FARSB: variants seen among roughly 807,000 people sequenced by gnomAD.
FARSB encodes phenylalanine--tRNA ligase beta subunit.
FARSB carries 40 observed loss-of-function variants against 69.6 expected under a neutral mutation model. That is an observed-to-expected ratio of 0.57 (90% CI 0.45 to 0.75). The LOEUF (loss-of-function observed/expected upper bound fraction) is 0.75. Among genes scored for constraint, FARSB ranks in the 30% least tolerant of loss-of-function variants. The pLI is 0.00. For missense variants in FARSB, 632 were observed against 722.9 expected (o/e 0.87, Z 1.44); for synonymous variants, 235 against 247.2 (o/e 0.95, Z 0.46).
chr2:222,607,133 T>C (rs1025588238), intron 15 of FARSB, among the ~76,000 whole-genome samples: 3 of 152,190 alleles, frequency 2.0e-5, no homozygotes, highest in Admixed American at 2.0e-4. Context: ...GCAACAAGAA[T>C]CTTGTGAAGA....
At chr2:222,654,222 C>G (rs1692113598) in intron 1 of FARSB, among the ~76,000 whole-genome samples, 1 of 152,106 alleles carries the variant, frequency 6.6e-6, no homozygotes, top group Non-Finnish European at 1.5e-5. Context: ...CTGACATGCT[C>G]CAAAACCCAA....
At chr2:222,636,987 A>C (rs1261106105) in intron 5 of FARSB, among the ~76,000 whole-genome samples, 1 of 152,256 alleles carries the variant, frequency 6.6e-6, no homozygotes, top group Non-Finnish European at 1.5e-5. Context: ...AAAAATGTTC[A>C]AGAATTATGG....
intron 9 of FARSB, among the ~76,000 whole-genome samples, chr2:222,629,618 C>T (rs1691366252): frequency 6.6e-6 from 1 of 152,200 alleles, no homozygotes; most frequent in Non-Finnish European, 1.5e-5. Flanking sequence ...CGGAATATCA[C>T]CAAAACTTTT....
chr2:222,607,270 C>G (rs1281140303), intron 15 of FARSB, among the ~76,000 whole-genome samples: 1 of 152,150 alleles, frequency 6.6e-6, no homozygotes, highest in African/African-American at 2.4e-5. Flanking sequence ...TAGATGTTTA[C>G]ACCTATGGAA....
chr2:222,612,933 A>G (rs1690895812), intron 15 of FARSB, among the ~76,000 whole-genome samples: 1 of 152,212 alleles, frequency 6.6e-6, no homozygotes, highest in Admixed American at 6.5e-5. Flanking sequence ...AAGTAACAAA[A>G]ACTGGTAAAA....
intron 14 of FARSB, among the ~76,000 whole-genome samples, 188 bp downstream of exon 14, chr2:222,619,457 A>T (rs1278565145): frequency 1.3e-5 from 2 of 152,230 alleles, no homozygotes; most frequent in Non-Finnish European, 2.9e-5. Context: ...AGAAGATATT[A>T]TTTTTAAAAG....
At chr2:222,648,074 C>T (rs998172464) in intron 2 of FARSB, among the ~76,000 whole-genome samples, 7 of 152,080 alleles carry the variant, frequency 4.6e-5, no homozygotes, top group African/African-American at 1.4e-4. Context: ...TGCTCAGGAC[C>T]CATCAAGCCC....
intron 15 of FARSB, among the ~76,000 whole-genome samples, chr2:222,610,662 C>G (rs1690825681): frequency 6.6e-6 from 1 of 152,160 alleles, no homozygotes. Flanking sequence ...TCCCATAAAC[C>G]AGGATGCTAA....
intron 4 of FARSB, 47 bp downstream of exon 4, chr2:222,640,815 T>C (rs753374265): frequency 9.7e-7 from 1 of 1,030,952 alleles, no homozygotes; most frequent in Admixed American, 2.2e-5. Context: ...TACAGACATG[T>C]ACAAAAGAAA....
In FARSB at chr2:222,623,660, G is replaced by A. The variant is rs1291632319; in HGVS notation, c.1241C>T (p.Thr414Ile). ...MAAAGFTEAL[T>I]FALCSQEDIA... ...GCATGTAAGACATACCAGGGCAAAG[G>A]TAAGTGCTTCAGTGAAGCCAGCGGC... Residue 414 changes from threonine (T) to isoleucine (I), a missense_variant, in exon 13 of 17, where the codon ACC (threonine) becomes ATC (isoleucine). Coordinates refer to ENST00000281828, the MANE Select transcript of FARSB (RefSeq NM_005687.5). 6.3e-7 allele frequency: 1 copy of A among 1,597,132 alleles called. No homozygotes were observed. The highest frequency in any genetic ancestry group is 1.1e-5 in the South Asian group (1 of 90,754).
At chr2:222,584,711 AG>A (rs1690062147) in intron 16 of FARSB, among the ~76,000 whole-genome samples, 1 of 152,204 alleles carries the variant, frequency 6.6e-6, no homozygotes. Context: ...CCTGGCTCAG[AG>A]GGTCCCACGC....
chr2:222,651,161 CAGA>C lies in FARSB; in HGVS notation c.59-2369_59-2367del, dbSNP rs568797785. 5.9e-4 allele frequency among the ~76,000 whole-genome samples: 90 copies of C among 152,204 alleles called. 1 individual carries two copies. The highest frequency in any genetic ancestry group is 4.4e-3 in the South Asian group (21 of 4,822). ...AAAGTGAGGTAATGTTATCAGAAAG[CAGA>C]AGAAGAGGAATCCTGGTTAAGAAGA... On this transcript the variant is annotated intron_variant, in intron 1 of 16. Coordinates refer to ENST00000281828, the MANE Select transcript of FARSB (RefSeq NM_005687.5).
In FARSB at chr2:222,613,893, C is replaced by T. The variant is rs549306118; in HGVS notation, c.1380G>A (p.Lys460=). The T allele has an allele frequency of 1.2e-6, 2 of 1,613,808 alleles. No homozygotes were observed. The highest frequency in any genetic ancestry group is 4.5e-5 in the East Asian group (2 of 44,868). The change falls in exon 15 of 17, where the codon AAG becomes AAA. Residue 460 remains lysine (K), a synonymous_variant. Transcript: ENST00000281828. ...GCATCTTACGATTTGCTGCTATGGTCTTCAGGAGGCCAGGAAGAAGGGTAG... is the reference window on the plus strand; with the variant it reads ...GCATCTTACGATTTGCTGCTATGGTTTTCAGGAGGCCAGGAAGAAGGGTAG... ...ARTTLLPGLL[K]TIAANRKMPL...
intron 16 of FARSB, among the ~76,000 whole-genome samples, chr2:222,599,088 G>GAA (rs150727924): frequency 1.3e-5 from 2 of 150,476 alleles, no homozygotes; most frequent in South Asian, 4.2e-4. Context: ...ATAAATAAAA[G>GAA]AAAAAAACAT....
In FARSB at chr2:222,592,801, T is replaced by C. The variant is rs181731947; in HGVS notation, c.1618+7127A>G. Among the ~76,000 whole-genome samples the C allele has an allele frequency of 1.1e-3, 164 of 151,988 alleles. 1 individual carries two copies. The highest frequency in any genetic ancestry group is 3.7e-3 in the African/African-American group (153 of 41,424). ...TCCATTTATATGCAGTTTTTCACTT[T>C]CCGTGGTTAACTGAGGTCTGAAAAT... On this transcript the variant is annotated intron_variant, in intron 16 of 16. Transcript: ENST00000281828.
At chr2:222,583,845 AC>A (rs1158016378) in intron 16 of FARSB, among the ~76,000 whole-genome samples, 1 of 151,218 alleles carries the variant, frequency 6.6e-6, no homozygotes, top group Non-Finnish European at 1.5e-5. Flanking sequence ...CCCTTTACTC[AC>A]TCTCACCCCC....
chr2:222,651,663 T>G (rs942639460), intron 1 of FARSB, among the ~76,000 whole-genome samples: 1 of 152,228 alleles, frequency 6.6e-6, no homozygotes, highest in African/African-American at 2.4e-5. Context: ...CAGAGATGTG[T>G]AGGTGGTGTG....
At chr2:222,583,581 G>A (rs1008663381) in intron 16 of FARSB, among the ~76,000 whole-genome samples, 9 of 152,222 alleles carry the variant, frequency 5.9e-5, no homozygotes, top group South Asian at 4.1e-4. Context: ...TCATGAAAGT[G>A]AAGAAAAGAC....
intron 14 of FARSB, among the ~76,000 whole-genome samples, chr2:222,614,640 T>C (rs1365933623): frequency 1.3e-5 from 2 of 152,136 alleles, no homozygotes; most frequent in African/African-American, 2.4e-5. Flanking sequence ...AGGCTAGTAG[T>C]TCAAGACCAG....
Sources: allele counts gnomAD v4.1 joint callset (sites outside exome capture counted in the v4.1 genomes callset), GRCh38; gene constraint gnomAD v4.1.1; transcripts MANE v1.5; gene names NCBI Gene and HGNC (gene_info 2026-07-23, HGNC 2026-07-21).